Variants in MME observed in about 807,000 individuals in gnomAD.
MME encodes the protein neprilysin.
Under a neutral mutation model 113.2 loss-of-function variants are expected in MME, and 98 were observed. The observed-to-expected ratio is 0.87, with a 90% CI of 0.74 to 1.02. The LOEUF (loss-of-function observed/expected upper bound fraction) is 1.02. Among genes scored for constraint, MME ranks in the 50% least tolerant of loss-of-function variants. The pLI is 0.00. For missense variants in MME, 836 were observed against 896.0 expected, an observed-to-expected ratio of 0.93 and a Z score of 0.86; for synonymous variants, 292 against 300.6, an observed-to-expected ratio of 0.97 and a Z score of 0.30.
chr3:155,172,303 T>C, intron 21 of MME, 91 bp downstream of exon 21: 1 of 924,900 alleles, frequency 1.1e-6, no homozygotes, highest in Non-Finnish European at 1.8e-6. Flanking sequence ...GTTCCCTTGT[T>C]TTACAGAGCA....
intron 1 of MME, among the ~76,000 whole-genome samples, chr3:155,045,788 T>G (rs1713537643): frequency 6.6e-6 from 1 of 152,090 alleles, no homozygotes; most frequent in South Asian, 2.1e-4. Flanking sequence ...GTGTATAGTT[T>G]GCTTTTTTTT....
chr3:155,115,233 T>C (rs557348260), intron 4 of MME, 78 bp downstream of exon 4: 2 of 1,527,458 alleles, frequency 1.3e-6, no homozygotes, highest in East Asian at 4.5e-5. Flanking sequence ...TTGTTAGCCA[T>C]TACAAGGAAT....
Position 155,084,199 on chromosome 3 carries a change from C to T in MME, c.32C>T (p.Thr11Ile). The change falls in exon 2 of 23, where the codon ACT becomes ATT. Residue 11 changes from threonine (T) to isoleucine (I), a missense_variant. By Grantham distance (89) the Thr-to-Ile change is moderately conservative. Coordinates refer to ENST00000360490, the MANE Select transcript of MME (RefSeq NM_007289.4). ...AAGTCAGAAAGTCAGATGGATATAA[C>T]TGATATCAACACTCCAAAGCCAAAG... MGKSESQMDI[T>I]DINTPKPKKK... 2 of 1,614,042 alleles carry T rather than the reference C, an allele frequency of 1.2e-6. No individual in the cohort carries two copies. Among genetic ancestry groups the T allele is most frequent in the Non-Finnish European group, 1.7e-6 (2 of 1,179,962 alleles).
At position 155,167,012 on chromosome 3, in the gene MME, G is replaced by A. The variant is rs1028833096; in HGVS notation, c.1771G>A (p.Asp591Asn). ...VIGHEITHGFDDNGRNFNKDG... is the reference protein window; with the variant it reads ...VIGHEITHGFNDNGRNFNKDG... The stretch of plus-strand genomic sequence containing the variant: ...AGGACACGAAATCACCCATGGCTTC[G>A]ATGACAATGGTAAAGTGCAGTTGAC... The change falls in exon 18 of 23, where the codon GAT becomes AAT. Residue 591 changes from aspartate to asparagine, a missense_variant. Coordinates refer to ENST00000360490, the MANE Select transcript of MME (RefSeq NM_007289.4). The A allele has an allele frequency of 3.8e-5, 62 of 1,613,448 alleles. No individual in the cohort carries two copies. Among genetic ancestry groups the A allele is most frequent in the Middle Eastern group, 1.6e-4 (1 of 6,078 alleles).
At chr3:155,076,493 T>C (rs560137828), upstream of MME, among the ~76,000 whole-genome samples, 2 of 152,284 alleles carry the variant, frequency 1.3e-5, no homozygotes, top group South Asian at 2.1e-4. Context: ...CACTCACATA[T>C]CCTTCTTGAT....
At chr3:155,025,971 T>A (rs568110235) in intron 1 of MME, among the ~76,000 whole-genome samples, 1 of 151,862 alleles carries the variant, frequency 6.6e-6, no homozygotes, top group South Asian at 2.1e-4. Flanking sequence ...CTAAAAGATA[T>A]CAGGTATCAG....
At position 155,172,623 on chromosome 3, in the gene MME, A is replaced by G. The variant is rs760620977; in HGVS notation, c.2153+11A>G. 29 of 1,595,862 alleles carry G rather than the reference A, an allele frequency of 1.8e-5. No homozygotes were observed. The African/African-American group carries it at 3.2e-4, about 18-fold the overall frequency. ...TCCAGGCAATTTCAGGTGCGTGGAT[A>G]TGAACAGCAATCAAGGTGCTCTTAT... is the stretch of plus-strand genomic sequence containing the variant. On this transcript the variant is annotated intron_variant, in intron 22 of 22. Transcript: ENST00000360490.
Position 155,118,828 on chromosome 3 carries a change from TA to T in MME, c.720+19del. 1 of 1,477,766 alleles carries T rather than the reference TA, an allele frequency of 6.8e-7. No homozygotes were observed. The highest frequency in any genetic ancestry group is 9.4e-7 in the Non-Finnish European group (1 of 1,064,750). 91.5% of individuals were successfully genotyped at this position (1,477,766 alleles called of 1,614,324 possible). A position where few individuals can be genotyped will look rare whatever the true frequency, so the allele number is the denominator to read the frequency against. The stretch of plus-strand genomic sequence containing the variant: ...TATAAAGAGGTAAAAAGAAAAAAAA[TA>T]ATCAAAACCAAACTACAAAATGATC... On this transcript the variant is annotated intron_variant, in intron 8 of 22. Transcript: ENST00000360490.
chr3:155,146,431 T>C (rs1721521795), intron 14 of MME, among the ~76,000 whole-genome samples: 1 of 151,024 alleles, frequency 6.6e-6, no homozygotes, highest in African/African-American at 2.4e-5. Context: ...GAGGCTGAAA[T>C]GGGAAGATCA....
In MME at chr3:155,166,996, A is replaced by G; in HGVS notation, c.1755A>G (p.Glu585=). The change falls in exon 18 of 23, where the codon GAA becomes GAG. Residue 585 remains glutamate, a synonymous_variant. Transcript: ENST00000360490. ...YGGIGMVIGH[E]ITHGFDDNGR... ...GCATCGGCATGGTCATAGGACACGA[A>G]ATCACCCATGGCTTCGATGACAATG... 6.2e-7 allele frequency: 1 copy of G among 1,613,698 alleles called. No individual in the cohort carries two copies. Among genetic ancestry groups the G allele is most frequent in the South Asian group, 1.1e-5 (1 of 91,078 alleles).
chr3:155,156,476 G>A (rs1576654508), intron 16 of MME, among the ~76,000 whole-genome samples: 1 of 152,100 alleles, frequency 6.6e-6, no homozygotes, highest in South Asian at 2.1e-4. Flanking sequence ...GATTTGATTG[G>A]AAGGTGAGCA....
rs768251714 is a variant in MME at position 155,148,569 on chromosome 3, A to C, written c.1517A>C (p.Glu506Ala). 6 of 1,607,818 alleles carry C rather than the reference A, an allele frequency of 3.7e-6. No homozygotes were observed. The highest frequency in any genetic ancestry group is 5.1e-6 in the Non-Finnish European group (6 of 1,174,716). The change falls in exon 16 of 23, where the codon GAA becomes GCA. Residue 506 changes from glutamate to alanine, a missense_variant. Coordinates refer to ENST00000360490, the MANE Select transcript of MME (RefSeq NM_007289.4). ...EYLELNYKED[E>A]YFENIIQNLK... The stretch of plus-strand genomic sequence containing the variant: ...ATACAGTTGAACTACAAAGAAGATG[A>C]ATACTTCGAGAACATAATTCAAAAT...
intron 1 of MME, among the ~76,000 whole-genome samples, chr3:155,042,900 TTATATA>T (rs1159626877): frequency 3.2e-4 from 20 of 62,938 alleles, no homozygotes; most frequent in African/African-American, 7.3e-4. Flanking sequence ...ATAGTAGGTT[TTATATA>T]TATATATATA....
intron 1 of MME, among the ~76,000 whole-genome samples, chr3:155,074,437 T>C (rs1434203125): frequency 6.6e-6 from 1 of 152,070 alleles, no homozygotes; most frequent in African/African-American, 2.4e-5. Context: ...CTTTCTTTCT[T>C]TCTTTTTTTT....
rs73875814 is a variant in MME at position 155,118,560 on chromosome 3, G to A, written c.655-186G>A. On this transcript the variant is annotated intron_variant, in intron 7 of 22. Transcript: ENST00000360490. ...AGTCCTCCAGATTATCTAACTGCCC[G>A]TTAGTATAACACTTACAAGTAGTGT... 5.4e-3 allele frequency among the ~76,000 whole-genome samples: 817 copies of A among 152,224 alleles called. 8 individuals are homozygous for A. The highest frequency in any genetic ancestry group is 0.018 in the African/African-American group (751 of 41,548).
intron 16 of MME, among the ~76,000 whole-genome samples, chr3:155,153,341 T>C (rs972408355): frequency 1.3e-5 from 2 of 152,194 alleles, no homozygotes; most frequent in Non-Finnish European, 2.9e-5. Context: ...ATGCCTAGTA[T>C]GTGTTTCCAA....
intron 3 of MME, among the ~76,000 whole-genome samples, chr3:155,088,210 G>A (rs199543054): frequency 9.2e-5 from 13 of 141,698 alleles, no homozygotes; most frequent in African/African-American, 2.5e-4. Flanking sequence ...ACACTCGTGC[G>A]CGCACACACA....
upstream of MME, among the ~76,000 whole-genome samples, chr3:155,077,805 A>T (rs2108149648): frequency 6.6e-6 from 1 of 152,250 alleles, no homozygotes; most frequent in African/African-American, 2.4e-5. Context: ...TTACCAATCC[A>T]TACTGTCGAC....
chr3:155,102,923 T>C (rs564427535), intron 3 of MME, among the ~76,000 whole-genome samples: 60 of 152,338 alleles, frequency 3.9e-4, no homozygotes, highest in Non-Finnish European at 5.7e-4. Flanking sequence ...TCACTCTGCA[T>C]GTCAGTCCTC....
Sources: allele counts gnomAD v4.1 joint callset (sites outside exome capture counted in the v4.1 genomes callset), GRCh38; gene constraint gnomAD v4.1.1; transcripts MANE v1.5; gene names NCBI Gene and HGNC (gene_info 2026-07-23, HGNC 2026-07-21).